Variants in FHIT observed in about 807,000 individuals in gnomAD.
FHIT encodes fragile histidine triad diadenosine triphosphatase.
FHIT carries 19 observed loss-of-function variants against 17.9 expected under a neutral mutation model. The observed-to-expected ratio is 1.06, with a 90% confidence interval of 0.74 to 1.56. The LOEUF is 1.56. Ranked by LOEUF, FHIT falls within the 40% of genes most tolerant of loss-of-function variation. The probability of loss-of-function intolerance (pLI) is 0.00; values close to 1 mark genes in which losing one functional copy is unlikely to be tolerated. For missense variants in FHIT, 248 were observed against 189.2 expected (o/e 1.31, Z -1.82); for synonymous variants, 81 against 69.7 (o/e 1.16, Z -0.81).
intron 2 of FHIT, among the ~76,000 whole-genome samples, chr3:61,113,774 G>A (rs780966347): frequency 1.6e-4 from 25 of 152,112 alleles, no homozygotes; most frequent in Admixed American, 6.5e-4. Flanking sequence ...GCGGATGCTC[G>A]ATAAACATTT....
At chr3:59,958,223 T>C (rs1707497642) in intron 7 of FHIT, among the ~76,000 whole-genome samples, 3 of 152,228 alleles carry the variant, frequency 2.0e-5, no homozygotes, top group African/African-American at 7.2e-5. Context: ...AGTTGCATCA[T>C]CTTTTCTGTG....
chr3:60,253,189 C>CA (rs551241026), intron 5 of FHIT, among the ~76,000 whole-genome samples: 64 of 151,954 alleles, frequency 4.2e-4, no homozygotes, highest in Non-Finnish European at 7.8e-4. Context: ...TGCCTACTGC[C>CA]AAAAAAGGCT....
chr3:60,144,713 T>C (rs1259260619), intron 5 of FHIT, among the ~76,000 whole-genome samples: 2 of 152,184 alleles, frequency 1.3e-5, no homozygotes, highest in African/African-American at 4.8e-5. Flanking sequence ...AGTATATCCA[T>C]CACCTCATGC....
intron 3 of FHIT, among the ~76,000 whole-genome samples, chr3:61,034,827 T>G (rs1449814322): frequency 1.3e-5 from 2 of 152,118 alleles, no homozygotes; most frequent in Non-Finnish European, 2.9e-5. Context: ...CAGGTACCTG[T>G]GCATACATGT....
intron 5 of FHIT, among the ~76,000 whole-genome samples, chr3:60,067,220 T>TA (rs1374782746): frequency 2.0e-5 from 3 of 152,112 alleles, no homozygotes; most frequent in Non-Finnish European, 4.4e-5. Context: ...GGGAAATATC[T>TA]AAAAAATGGC....
intron 4 of FHIT, among the ~76,000 whole-genome samples, chr3:60,817,398 C>A (rs922025056): frequency 2.6e-5 from 4 of 152,004 alleles, no homozygotes; most frequent in African/African-American, 9.7e-5. Flanking sequence ...TTTAGCATTT[C>A]TGTGGGGCAG....
At chr3:60,113,268 C>A (rs1247408960) in intron 5 of FHIT, among the ~76,000 whole-genome samples, 1 of 152,180 alleles carries the variant, frequency 6.6e-6, no homozygotes, top group Non-Finnish European at 1.5e-5. Context: ...CTTACAGCAG[C>A]ATGAAACACA....
intron 3 of FHIT, among the ~76,000 whole-genome samples, chr3:60,860,477 TGATA>T (rs1703678266): frequency 7.7e-6 from 1 of 129,596 alleles, no homozygotes; most frequent in Non-Finnish European, 1.6e-5. Flanking sequence ...TATGTATATA[TGATA>T]CATATGTATC....
At chr3:60,851,826 G>T (rs1219610590) in intron 3 of FHIT, among the ~76,000 whole-genome samples, 1 of 152,072 alleles carries the variant, frequency 6.6e-6, no homozygotes, top group East Asian at 1.9e-4. Flanking sequence ...CCAGTACTGA[G>T]TCTTTCTATG....
intron 5 of FHIT, among the ~76,000 whole-genome samples, chr3:60,106,181 G>C (rs887547074): frequency 6.6e-6 from 1 of 152,174 alleles, no homozygotes; most frequent in African/African-American, 2.4e-5. Flanking sequence ...CAGTGCTTAT[G>C]TTTAAGTAAC....
chr3:60,080,918 G>A (rs2736778), intron 5 of FHIT: 58,015 of 151,984 alleles, frequency 0.38, 11,722 homozygotes, highest in African/African-American at 0.51. Flanking sequence ...GTGAAAGAGA[G>A]GGCTAGAGTT....
chr3:61,092,834 A>T (rs2106818512), intron 2 of FHIT, among the ~76,000 whole-genome samples: 1 of 152,348 alleles, frequency 6.6e-6, no homozygotes, highest in African/African-American at 2.4e-5. Context: ...TAAAAGCAAG[A>T]ATGTAAGAAT....
At chr3:60,776,303 T>C (rs948947177) in intron 4 of FHIT, among the ~76,000 whole-genome samples, 9 of 152,212 alleles carry the variant, frequency 5.9e-5, no homozygotes, top group African/African-American at 2.2e-4. Context: ...GTGTGTGTAC[T>C]GTACGTAATG....
rs1237800433 is a variant in FHIT, at chr3:60,614,991, G to A, written c.-17-78012C>T. 5.9e-5 allele frequency among the ~76,000 whole-genome samples: 9 copies of A among 151,708 alleles called. No individual in the cohort carries two copies. In the South Asian group the frequency reaches 6.3e-4, roughly 11 times the overall value. On this transcript the variant is annotated intron_variant, in intron 4 of 9. Transcript: ENST00000492590. ...ACTACAGGCGCCCACAACCACGCCC[G>A]GCTAATTTTTGTACTATTAGTAGAG...
intron 4 of FHIT, among the ~76,000 whole-genome samples, chr3:60,622,203 A>G (rs782022521): frequency 2.0e-5 from 3 of 152,286 alleles, no homozygotes; most frequent in Non-Finnish European, 4.4e-5. Context: ...ACAAGCACCC[A>G]AGTGGTCTTT....
intron 5 of FHIT, among the ~76,000 whole-genome samples, chr3:60,300,120 C>A (rs1037028885): frequency 6.6e-5 from 10 of 152,058 alleles, no homozygotes; most frequent in Non-Finnish European, 1.3e-4. Context: ...TCTAGCTGAT[C>A]TGACTTCTCT....
intron 8 of FHIT, 138 bp from the exon 9 acceptor site, chr3:59,752,459 C>T (rs1254419038): frequency 1.0e-5 from 6 of 593,214 alleles, no homozygotes; most frequent in Non-Finnish European, 1.8e-5. Context: ...GTTTCAGTTG[C>T]TACAACTTGC....
At chr3:60,705,649 T>C (rs1482352047) in intron 4 of FHIT, among the ~76,000 whole-genome samples, 1 of 152,226 alleles carries the variant, frequency 6.6e-6, no homozygotes, top group Non-Finnish European at 1.5e-5. Flanking sequence ...TTCCAGTAAA[T>C]ATGTTCAAGG....
intron 5 of FHIT, among the ~76,000 whole-genome samples, chr3:60,328,501 C>T (rs965145522): frequency 6.6e-6 from 1 of 152,094 alleles, no homozygotes; most frequent in African/African-American, 2.4e-5. Flanking sequence ...ACCATTGGAT[C>T]TTGTGAGACT....
Sources: allele counts gnomAD v4.1 joint callset (sites outside exome capture counted in the v4.1 genomes callset), GRCh38; gene constraint gnomAD v4.1.1; transcripts MANE v1.5; gene names NCBI Gene and HGNC (gene_info 2026-07-23, HGNC 2026-07-21).